Variants in PARD3B observed in about 807,000 individuals in gnomAD.
The protein encoded by PARD3B is par-3 family cell polarity regulator beta.
Under a neutral mutation model 130.2 loss-of-function variants are expected in PARD3B, and 103 were observed. That is an observed-to-expected ratio of 0.79 (90% confidence interval 0.67 to 0.93). The LOEUF is 0.93. Among genes scored for constraint, PARD3B ranks in the 40% least tolerant of loss-of-function variants. The pLI, the probability that PARD3B is intolerant of heterozygous loss-of-function variation, is 0.00. For synonymous variants in PARD3B, 583 were observed against 553.2 expected, an observed-to-expected ratio of 1.05 and a Z score of -0.76; for missense variants, 1,609 against 1,499.2, an observed-to-expected ratio of 1.07 and a Z score of -1.21.
chr2:205,050,667 T>C (rs1473103749), intron 4 of PARD3B, among the ~76,000 whole-genome samples: 2 of 152,032 alleles, frequency 1.3e-5, no homozygotes, highest in African/African-American at 2.4e-5. Context: ...ATTAGGTATA[T>C]TGGCTTGAAT....
chr2:204,619,328 TC>T (rs2034216589), intron 1 of PARD3B, among the ~76,000 whole-genome samples: 1 of 152,168 alleles, frequency 6.6e-6, no homozygotes, highest in African/African-American at 2.4e-5. Context: ...GGCAGGCATT[TC>T]ATCATGGGCT....
At chr2:204,589,073 G>T (rs1013695491) in intron 1 of PARD3B, among the ~76,000 whole-genome samples, 47 of 152,082 alleles carry the variant, frequency 3.1e-4, no homozygotes, top group African/African-American at 1.1e-3. Flanking sequence ...GTGCTTAAGG[G>T]ACACCCACGG....
At chr2:205,308,331 G>A (rs1221056621) in intron 18 of PARD3B, among the ~76,000 whole-genome samples, 1 of 152,088 alleles carries the variant, frequency 6.6e-6, no homozygotes, top group Admixed American at 6.6e-5. Flanking sequence ...AAGCAGCCAG[G>A]CATGGTGGCT....
rs796899726 is a variant in PARD3B at position 205,459,740 on chromosome 2, A to G, written c.3044+19068A>G. Among the ~76,000 whole-genome samples the G allele has an allele frequency of 8.6e-5, 13 of 151,956 alleles. No homozygotes were observed. The East Asian group carries it at 2.1e-3, about 25-fold the overall frequency. On this transcript the variant is annotated intron_variant, in intron 20 of 22. Transcript: ENST00000406610. ...TCTCAGAGACCTGTTGGCCCTCCTC[A>G]CCATTTCAGTGACCACGTTTAGCAA... is the stretch of plus-strand genomic sequence containing the variant.
At position 205,309,240 on chromosome 2, in the gene PARD3B, T is replaced by G. The variant is rs562686184; in HGVS notation, c.2630+7539T>G. On this transcript the variant is annotated intron_variant, in intron 18 of 22. Coordinates refer to ENST00000406610, the MANE Select transcript of PARD3B (RefSeq NM_001302769.2). The surrounding 1 kb of genome is among the most constrained non-coding windows in gnomAD (Gnocchi z 4.7). ...CATTAATGTAAATGGTGAACTTGGTTTACAGGTGATTGGATCAACTCTGTT... is the reference window on the plus strand; with the variant it reads ...CATTAATGTAAATGGTGAACTTGGTGTACAGGTGATTGGATCAACTCTGTT... Among the ~76,000 whole-genome samples, 3 of 152,300 alleles carry G rather than the reference T, an allele frequency of 2.0e-5. No individual in the cohort carries two copies. The highest frequency in any genetic ancestry group is 3.9e-4 in the East Asian group (2 of 5,176).
intron 2 of PARD3B, among the ~76,000 whole-genome samples, chr2:204,810,204 A>G (rs1247493128): frequency 1.3e-5 from 2 of 152,028 alleles, no homozygotes; most frequent in Non-Finnish European, 2.9e-5. Context: ...AGATAGTTTG[A>G]CTTCCTCTCT....
At chr2:204,597,349 T>C (rs1408260950) in intron 1 of PARD3B, among the ~76,000 whole-genome samples, 1 of 152,158 alleles carries the variant, frequency 6.6e-6, no homozygotes, top group Non-Finnish European at 1.5e-5. Flanking sequence ...ACTTAAAAAG[T>C]CTCCAGGTGT....
At chr2:204,600,427 T>A (rs1023244523) in intron 1 of PARD3B, among the ~76,000 whole-genome samples, 1 of 151,992 alleles carries the variant, frequency 6.6e-6, no homozygotes, top group Admixed American at 6.6e-5. Context: ...GAGATTGTTC[T>A]TTCTTTAATA....
intron 2 of PARD3B, among the ~76,000 whole-genome samples, chr2:204,864,652 A>C (rs189860943): frequency 6.6e-6 from 1 of 152,170 alleles, no homozygotes; most frequent in Non-Finnish European, 1.5e-5. Context: ...TCCTCCTGGC[A>C]TTCGTTACTA....
intron 2 of PARD3B, among the ~76,000 whole-genome samples, chr2:204,932,692 A>G (rs1218480959): frequency 6.6e-6 from 1 of 152,232 alleles, no homozygotes; most frequent in Non-Finnish European, 1.5e-5. Context: ...GGAATTGGAC[A>G]GTAGTATTGT....
chr2:205,523,887 C>T (rs1340081547), intron 21 of PARD3B, among the ~76,000 whole-genome samples: 2 of 137,710 alleles, frequency 1.5e-5, no homozygotes, highest in African/African-American at 2.7e-5. Flanking sequence ...TCCTTAAAAT[C>T]TGATGATAAT....
chr2:204,962,278 G>A (rs1690807560), intron 2 of PARD3B, among the ~76,000 whole-genome samples: 1 of 152,146 alleles, frequency 6.6e-6, no homozygotes, highest in African/African-American at 2.4e-5. Context: ...GAGAGAGAAG[G>A]CAGCAGAGGA....
At chr2:204,687,035 A>G (rs903829506) in intron 2 of PARD3B, among the ~76,000 whole-genome samples, 1 of 152,106 alleles carries the variant, frequency 6.6e-6, no homozygotes, top group Non-Finnish European at 1.5e-5. Context: ...AGTTTCTTCT[A>G]TTATACATCT....
intron 2 of PARD3B, among the ~76,000 whole-genome samples, chr2:204,706,720 A>C (rs1389335496): frequency 2.0e-5 from 3 of 152,182 alleles, no homozygotes; most frequent in African/African-American, 7.2e-5. Flanking sequence ...TTGAAAACAA[A>C]TGAGTTTCAG....
intron 15 of PARD3B, among the ~76,000 whole-genome samples, chr2:205,204,943 G>C (rs2037200973): frequency 6.6e-6 from 1 of 152,124 alleles, no homozygotes; most frequent in Non-Finnish European, 1.5e-5. Flanking sequence ...CTCCTTTTTG[G>C]TTCCATATGA....
chr2:204,631,130 C>G (rs1280456743), intron 1 of PARD3B, among the ~76,000 whole-genome samples: 3 of 152,030 alleles, frequency 2.0e-5, no homozygotes, highest in African/African-American at 4.8e-5. Context: ...TAGCTGAATC[C>G]CGGAGATTCT....
intron 22 of PARD3B, among the ~76,000 whole-genome samples, chr2:205,577,623 G>A (rs2053808508): frequency 6.6e-6 from 1 of 152,186 alleles, no homozygotes; most frequent in African/African-American, 2.4e-5. Flanking sequence ...TGGGTAACAT[G>A]TATTTAACTA....
chr2:205,615,534 T>C lies in PARD3B; in HGVS notation c.3339T>C (p.Tyr1113=), dbSNP rs747039799. Residue 1113 remains tyrosine, a synonymous_variant, in exon 23 of 23, where the codon TAT becomes TAC. Coordinates refer to ENST00000406610, the MANE Select transcript of PARD3B (RefSeq NM_001302769.2). ...GLYKERELPY[Y]PGAHPMHPPK... Reference sequence around the variant, plus strand: ...ACAAGGAAAGGGAGCTTCCCTATTATCCAGGGGCTCATCCTATGCACCCTC... The same window carrying C: ...ACAAGGAAAGGGAGCTTCCCTATTACCCAGGGGCTCATCCTATGCACCCTC... 3 of 1,613,930 alleles carry C rather than the reference T, an allele frequency of 1.9e-6. No homozygotes were observed. Among genetic ancestry groups the C allele is most frequent in the Admixed American group, 3.3e-5 (2 of 59,996 alleles).
At chr2:205,439,850 A>G (rs2047649396) in intron 19 of PARD3B, among the ~76,000 whole-genome samples, 1 of 152,218 alleles carries the variant, frequency 6.6e-6, no homozygotes, top group South Asian at 2.1e-4. Context: ...CACTGCTTTT[A>G]GTGACCAGAA....
Sources: allele counts gnomAD v4.1 joint callset (sites outside exome capture counted in the v4.1 genomes callset), GRCh38; gene constraint gnomAD v4.1.1; non-coding constraint Gnocchi (gnomAD v3.1); transcripts MANE v1.5; gene names NCBI Gene and HGNC (gene_info 2026-07-23, HGNC 2026-07-21).